HPSE2: variants seen among roughly 807,000 people sequenced by gnomAD.
HPSE2 encodes inactive heparanase-2.
HPSE2 carries 38 observed loss-of-function variants against 60.5 expected under a neutral mutation model. That is an observed-to-expected ratio of 0.63 (90% confidence interval 0.48 to 0.82). HPSE2 has a LOEUF of 0.82. Among genes scored for constraint, HPSE2 ranks in the 40% least tolerant of loss-of-function variants. The probability of loss-of-function intolerance (pLI) is 0.00; values close to 1 mark genes in which losing one functional copy is unlikely to be tolerated. For synonymous variants in HPSE2, 295 were observed against 293.2 expected, an observed-to-expected ratio of 1.01 and a Z score of -0.06; for missense variants, 713 against 740.4, an observed-to-expected ratio of 0.96 and a Z score of 0.43.
chr10:99,269,669 A>AATACAC, the HPSE2 span, among the ~76,000 whole-genome samples: 1 of 152,188 alleles, frequency 6.6e-6, no homozygotes, highest in East Asian at 1.9e-4. Context: ...ACAACTGCAG[A>AATACAC]ATACACATTC....
At chr10:98,734,505 G>C (rs1182556348) in intron 4 of HPSE2, among the ~76,000 whole-genome samples, 1 of 151,830 alleles carries the variant, frequency 6.6e-6, no homozygotes, top group Non-Finnish European at 1.5e-5. Flanking sequence ...CCACAACCTT[G>C]TCAACATTTG....
At chr10:99,151,792 T>C (rs1013152604) in intron 2 of HPSE2, among the ~76,000 whole-genome samples, 3 of 152,072 alleles carry the variant, frequency 2.0e-5, no homozygotes, top group South Asian at 2.1e-4. Flanking sequence ...GGCATGCACT[T>C]ATAATCCCAG....
At chr10:99,184,642 A>G (rs2133840943) in intron 2 of HPSE2, among the ~76,000 whole-genome samples, 1 of 149,188 alleles carries the variant, frequency 6.7e-6, no homozygotes, top group Non-Finnish European at 1.5e-5. Flanking sequence ...GAGAACTATA[A>G]AATGTATAAA....
rs1348612208 is a variant in HPSE2 at position 98,567,755 on chromosome 10, G to GTC, written c.1320+47148_1320+47149insGA. Among the ~76,000 whole-genome samples the GTC allele has an allele frequency of 1.7e-3, 250 of 151,004 alleles. 1 individual carries two copies. Among genetic ancestry groups the GTC allele is most frequent in the African/African-American group, 5.9e-3 (243 of 41,266 alleles). ...GTTTCTCTACAAATGGATGGTGTGT[G>GTC]TGTGTGTGTGTGTGTGTATACATGT... On this transcript the variant is annotated intron_variant, in intron 9 of 11. Transcript: ENST00000370552.
chr10:99,072,195 G>A (rs554476174), intron 3 of HPSE2, among the ~76,000 whole-genome samples: 1 of 152,036 alleles, frequency 6.6e-6, no homozygotes, highest in African/African-American at 2.4e-5. Context: ...ATAACATGAA[G>A]TCTTCCAAAA....
At chr10:99,155,699 A>G (rs1397731423) in intron 2 of HPSE2, among the ~76,000 whole-genome samples, 22 of 150,822 alleles carry the variant, frequency 1.5e-4, no homozygotes, top group Admixed American at 4.0e-4. Flanking sequence ...AAGAACTAGA[A>G]ACGCAAGAGC....
chr10:98,731,405 T>C (rs1949224888), intron 4 of HPSE2, among the ~76,000 whole-genome samples: 1 of 152,178 alleles, frequency 6.6e-6, no homozygotes, highest in African/African-American at 2.4e-5. Context: ...ATATGAAAAG[T>C]ATTATACACT....
rs534079666 is a variant in HPSE2, at chr10:98,731,937, G to C, written c.785-10109C>G. On this transcript the variant is annotated intron_variant, in intron 4 of 11. Coordinates refer to ENST00000370552, the MANE Select transcript of HPSE2 (RefSeq NM_021828.5). ...AAATCTAAAGAATAAATTCAGCAAG[G>C]TTGGAGGGGATACAATATCAATTTA... 5.3e-5 allele frequency among the ~76,000 whole-genome samples: 8 copies of C among 152,254 alleles called. No individual in the cohort carries two copies. The East Asian group carries it at 1.5e-3, about 29-fold the overall frequency.
the HPSE2 span, among the ~76,000 whole-genome samples, chr10:99,301,460 A>C: frequency 6.6e-6 from 1 of 152,304 alleles, no homozygotes; most frequent in Non-Finnish European, 1.5e-5. Context: ...TCCTGGGACA[A>C]GGACTTTGGT....
intron 3 of HPSE2, among the ~76,000 whole-genome samples, chr10:98,790,537 C>T (rs961916009): frequency 6.6e-6 from 1 of 152,176 alleles, no homozygotes; most frequent in Non-Finnish European, 1.5e-5. Context: ...GGTACAAACT[C>T]TCAGAGCAGA....
chr10:98,735,681 G>A (rs10883183), intron 4 of HPSE2, among the ~76,000 whole-genome samples: 26,419 of 152,146 alleles, frequency 0.17, 2,589 homozygotes, highest in African/African-American at 0.25. Context: ...GAGATATGGA[G>A]TCAAAGGAGA....
chr10:98,802,693 G>A (rs1230268909), intron 3 of HPSE2, among the ~76,000 whole-genome samples: 2 of 150,990 alleles, frequency 1.3e-5, no homozygotes, highest in Non-Finnish European at 2.9e-5. Context: ...GTGTATATGT[G>A]CCACATTTTC....
At chr10:99,132,214 AGAGAGAGAGAGAGAGAGAGAGAG>A (rs1564833083) in intron 3 of HPSE2, among the ~76,000 whole-genome samples, 1 of 32,616 alleles carries the variant, frequency 3.1e-5, no homozygotes, top group African/African-American at 5.3e-5. Flanking sequence ...AGAGAGAGAG[AGAGAGAGAGAGAGAGAGAGAGAG>A]AGAGAGAAAG....
Position 98,932,551 on chromosome 10 carries a change from C to T in HPSE2, c.611-188495G>A, listed in dbSNP as rs1236016783. Among the ~76,000 whole-genome samples the T allele has an allele frequency of 2.1e-5, 3 of 142,828 alleles. 1 individual carries two copies. Among genetic ancestry groups the T allele is most frequent in the Admixed American group, 2.1e-4 (3 of 14,360 alleles). 93.7% of individuals were successfully genotyped at this position (142,828 alleles called of 152,430 possible). On this transcript the variant is annotated intron_variant, in intron 3 of 11. Transcript: ENST00000370552. ...ATAGTTTCAGAAGAAATGGTACCAG[C>T]TCCTCGTTGTACCTCTGGTAGAATT...
chr10:99,251,340 TTA>T, the HPSE2 span, among the ~76,000 whole-genome samples: 1 of 152,112 alleles, frequency 6.6e-6, no homozygotes, highest in Non-Finnish European at 1.5e-5. Context: ...AGAAATGTAA[TTA>T]GTAATAAAGC....
chr10:98,642,166 CTT>C (rs1428226656), intron 6 of HPSE2, among the ~76,000 whole-genome samples: 1 of 152,030 alleles, frequency 6.6e-6, no homozygotes, highest in African/African-American at 2.4e-5. Context: ...TTTTTTTCAG[CTT>C]TTGTCACGTG....
chr10:98,860,032 A>G (rs974849327), intron 3 of HPSE2, among the ~76,000 whole-genome samples: 13 of 152,222 alleles, frequency 8.5e-5, no homozygotes, highest in African/African-American at 3.1e-4. Context: ...TATCATAGGT[A>G]TATAAGTATA....
chr10:99,214,013 AAGAC>A (rs1373843664), intron 2 of HPSE2, among the ~76,000 whole-genome samples: 2 of 152,246 alleles, frequency 1.3e-5, no homozygotes, highest in African/African-American at 4.8e-5. Context: ...CAATAATAAA[AAGAC>A]AAATAAATGA....
chr10:98,764,556 G>C (rs1359333653), intron 3 of HPSE2, among the ~76,000 whole-genome samples: 2 of 152,036 alleles, frequency 1.3e-5, no homozygotes, highest in Non-Finnish European at 2.9e-5. Context: ...ATATAAATAG[G>C]TTAAAAGGAT....
Sources: gnomAD v4.1 joint callset for allele counts (sites outside exome capture counted in the v4.1 genomes callset) on GRCh38, gnomAD v4.1.1 for gene constraint, MANE v1.5 for transcripts, NCBI Gene and HGNC (gene_info 2026-07-23, HGNC 2026-07-21) for gene names.